The following PCCA variants were observed in gnomAD, a reference collection of about 807,000 sequenced individuals.
PCCA encodes propionyl-CoA carboxylase subunit alpha.
A neutral mutation model predicts 101.3 loss-of-function variants in PCCA; 74 were observed. That is an observed-to-expected ratio of 0.73 (90% CI 0.61 to 0.89). PCCA has a LOEUF of 0.89. Ranked by LOEUF, PCCA falls within the 40% of genes least tolerant of loss-of-function variation. The probability of loss-of-function intolerance (pLI) is 0.00; values close to 1 mark genes in which losing one functional copy is unlikely to be tolerated. For synonymous variants in PCCA, 294 were observed against 313.6 expected, an observed-to-expected ratio of 0.94 and a Z score of 0.66; for missense variants, 891 against 907.0, an observed-to-expected ratio of 0.98 and a Z score of 0.23.
intron 19 of PCCA, among the ~76,000 whole-genome samples, chr13:100,378,100 T>C (rs771906407): frequency 6.6e-6 from 1 of 151,552 alleles, no homozygotes; most frequent in African/African-American, 2.5e-5. Context: ...ACATTTCTTA[T>C]AGGGCGGATA....
At chr13:100,227,081 G>T (rs1344565193) in intron 7 of PCCA, among the ~76,000 whole-genome samples, 1 of 152,034 alleles carries the variant, frequency 6.6e-6, no homozygotes, top group African/African-American at 2.4e-5. Context: ...TTGGCTCACT[G>T]CAACCTCCGC....
chr13:100,241,656 G>A (rs976199710), intron 8 of PCCA, among the ~76,000 whole-genome samples: 7 of 151,922 alleles, frequency 4.6e-5, no homozygotes, highest in South Asian at 4.2e-4. Flanking sequence ...TTTGTAGTGG[G>A]TTTTCACCAT....
At chr13:100,520,522 C>T (rs574523804) in intron 22 of PCCA, among the ~76,000 whole-genome samples, 1 of 150,922 alleles carries the variant, frequency 6.6e-6, no homozygotes, top group East Asian at 2.0e-4. Context: ...GTAGTCCCAG[C>T]TACTCGGGAG....
chr13:100,494,703 C>T (rs1000564176), intron 21 of PCCA, among the ~76,000 whole-genome samples: 1 of 151,430 alleles, frequency 6.6e-6, no homozygotes, highest in African/African-American at 2.4e-5. Context: ...TTTTGTAATT[C>T]CTTCAACACA....
At position 100,293,722 on chromosome 13, in the gene PCCA, G is replaced by A. The variant is rs1415257224; in HGVS notation, c.1066-7738G>A. Among the ~76,000 whole-genome samples the A allele has an allele frequency of 3.3e-5, 5 of 152,248 alleles. No homozygotes were observed. In the East Asian group the frequency reaches 9.6e-4, roughly 29 times the overall value. ...AGGCTGTTTAGAGTGAGCCAGAATT[G>A]GGATGTTTTGGCATGTTTTGTTCTG... On this transcript the variant is annotated intron_variant, in intron 12 of 23. Coordinates refer to ENST00000376285, the MANE Select transcript of PCCA (RefSeq NM_000282.4).
At chr13:100,278,174 A>G (rs2063802374) in intron 12 of PCCA, among the ~76,000 whole-genome samples, 1 of 152,210 alleles carries the variant, frequency 6.6e-6, no homozygotes. Flanking sequence ...TAATTAGATT[A>G]TTAGCTGGGA....
chr13:100,293,996 A>G (rs549336666), intron 12 of PCCA, among the ~76,000 whole-genome samples: 1 of 152,352 alleles, frequency 6.6e-6, no homozygotes, highest in South Asian at 2.1e-4. Flanking sequence ...CTGCCATAAC[A>G]AAGTATCATA....
At chr13:100,309,200 G>A (rs1004771836) in intron 15 of PCCA, among the ~76,000 whole-genome samples, 1 of 152,126 alleles carries the variant, frequency 6.6e-6, no homozygotes, top group African/African-American at 2.4e-5. Context: ...TGTGAGACCA[G>A]CCAGGCCAAC....
chr13:100,190,961 G>C (rs2152447888), intron 6 of PCCA, among the ~76,000 whole-genome samples: 1 of 151,940 alleles, frequency 6.6e-6, no homozygotes, highest in Admixed American at 6.6e-5. Flanking sequence ...GCCAGGCATG[G>C]TGGTGTGCGC....
chr13:100,293,084 A>G (rs1165455163), intron 12 of PCCA: 2 of 366,904 alleles, frequency 5.5e-6, no homozygotes, highest in African/African-American at 2.1e-5. Context: ...TCCCAAATAG[A>G]GAGGAATAAA....
At chr13:100,099,783 G>T (rs967228044) in intron 1 of PCCA, among the ~76,000 whole-genome samples, 1 of 152,096 alleles carries the variant, frequency 6.6e-6, no homozygotes, top group Admixed American at 6.6e-5. Flanking sequence ...ATGCAAGACT[G>T]TGCTAGCCAT....
At chr13:100,276,865 C>T (rs1057397953) in intron 12 of PCCA, among the ~76,000 whole-genome samples, 1 of 152,100 alleles carries the variant, frequency 6.6e-6, no homozygotes, top group Non-Finnish European at 1.5e-5. Flanking sequence ...ATAATGTTGA[C>T]ATGTGAAGTC....
At chr13:100,321,590 TCTGTGTGTG>T (rs1213982724) in intron 16 of PCCA, among the ~76,000 whole-genome samples, 5 of 24,380 alleles carry the variant, frequency 2.1e-4, no homozygotes, top group African/African-American at 3.4e-4. Context: ...CTATAGAAGA[TCTGTGTGTG>T]TGTGTGTGTG....
chr13:100,456,650 G>A (rs879832227), intron 21 of PCCA, among the ~76,000 whole-genome samples: 8 of 126,398 alleles, frequency 6.3e-5, no homozygotes, highest in Non-Finnish European at 1.1e-4. Context: ...TTAGGTAGCC[G>A]AAGCTGAGAG....
intron 12 of PCCA, among the ~76,000 whole-genome samples, chr13:100,278,537 A>G (rs1297669412): frequency 6.6e-6 from 1 of 150,446 alleles, no homozygotes; most frequent in Non-Finnish European, 1.5e-5. Context: ...GCTGGGGTGC[A>G]GTGGCGTGAT....
At chr13:100,137,978 G>A (rs956113463) in intron 4 of PCCA, among the ~76,000 whole-genome samples, 4 of 151,676 alleles carry the variant, frequency 2.6e-5, no homozygotes, top group Non-Finnish European at 5.9e-5. Flanking sequence ...TCGTGGAGTC[G>A]TGGTCTCCCT....
chr13:100,322,007 C>T lies in PCCA; in HGVS notation c.1430-8554C>T, dbSNP rs917181038. On this transcript the variant is annotated intron_variant, in intron 16 of 23. Coordinates refer to ENST00000376285, the MANE Select transcript of PCCA (RefSeq NM_000282.4). ...AAGGTGTGCCCTGCTCGCTCAAACA[C>T]ATGCACTAGGGTACAGGGTAACCTG... is the stretch of plus-strand genomic sequence containing the variant. 4.6e-5 allele frequency among the ~76,000 whole-genome samples: 7 copies of T among 152,162 alleles called. No individual in the cohort carries two copies. In the South Asian group the frequency reaches 6.2e-4, roughly 14 times the overall value.
chr13:100,245,746 A>C (rs2061392120), intron 8 of PCCA, among the ~76,000 whole-genome samples: 2 of 152,182 alleles, frequency 1.3e-5, no homozygotes, highest in Admixed American at 1.3e-4. Context: ...TCTTGAATTT[A>C]TCTACTTCTC....
intron 21 of PCCA, among the ~76,000 whole-genome samples, chr13:100,512,039 T>C (rs1481361890): frequency 2.6e-5 from 4 of 152,076 alleles, no homozygotes; most frequent in African/African-American, 9.7e-5. Flanking sequence ...CTTAATGAGG[T>C]CCAGTGATAA....
Sources: gnomAD v4.1 joint callset for allele counts (sites outside exome capture counted in the v4.1 genomes callset) on GRCh38, gnomAD v4.1.1 for gene constraint, MANE v1.5 for transcripts, NCBI Gene and HGNC (gene_info 2026-07-23, HGNC 2026-07-21) for gene names.